Variants in SSPN observed in about 807,000 individuals in gnomAD.
The protein encoded by SSPN is sarcospan, also known as K-ras oncogene-associated protein.
A neutral mutation model predicts 19.1 loss-of-function variants in SSPN; 15 were observed. The observed-to-expected ratio is 0.78, with a 90% CI of 0.52 to 1.21. The LOEUF is 1.21. SSPN is among the 50% of genes most tolerant of loss of function. The pLI is 0.00. For synonymous variants in SSPN, 147 were observed against 140.3 expected (o/e 1.05, Z -0.34); for missense variants, 291 against 314.0 (o/e 0.93, Z 0.55).
chr12:26,131,376 T>C (rs915655074), intron 1 of SSPN, among the ~76,000 whole-genome samples: 3 of 152,236 alleles, frequency 2.0e-5, no homozygotes, highest in African/African-American at 7.2e-5. Context: ...GAAATGATTG[T>C]CTGTCTTTTT....
intron 1 of SSPN, among the ~76,000 whole-genome samples, chr12:26,157,108 G>A (rs1248895934): frequency 6.6e-6 from 1 of 152,142 alleles, no homozygotes; most frequent in South Asian, 2.1e-4. Context: ...AAACAACTCT[G>A]GTCTCCAGAT....
chr12:26,229,171 G>A (rs988585990), intron 2 of SSPN, among the ~76,000 whole-genome samples: 3 of 152,192 alleles, frequency 2.0e-5, no homozygotes, highest in African/African-American at 7.2e-5. Flanking sequence ...GAAAAAGAAT[G>A]TGTGTTTAAG....
intron 1 of SSPN, among the ~76,000 whole-genome samples, chr12:26,127,788 A>G (rs1348173269): frequency 6.6e-6 from 1 of 151,600 alleles, no homozygotes; most frequent in Non-Finnish European, 1.5e-5. Context: ...TTGGTTACCC[A>G]CTTCCCTTAA....
At chr12:26,224,254 A>G in intron 1 of SSPN, 39 bp from the exon 2 acceptor site, 1 of 1,443,944 alleles carries the variant, frequency 6.9e-7, no homozygotes, top group East Asian at 2.3e-5. Flanking sequence ...CGCACAACGT[A>G]CCCTGATAAC....
At chr12:26,202,754 G>A (rs1227130107) in intron 1 of SSPN, among the ~76,000 whole-genome samples, 3 of 152,142 alleles carry the variant, frequency 2.0e-5, no homozygotes, top group African/African-American at 7.2e-5. Flanking sequence ...GTTGTATTGT[G>A]GCCTGAAGGG....
intron 2 of SSPN, among the ~76,000 whole-genome samples, chr12:26,225,133 T>C (rs896179052): frequency 6.6e-6 from 1 of 152,112 alleles, no homozygotes; most frequent in African/African-American, 2.4e-5. Flanking sequence ...TTTTTTAATT[T>C]GGTCCACTAA....
upstream of SSPN, among the ~76,000 whole-genome samples, chr12:26,193,726 T>C (rs950891034): frequency 6.6e-6 from 1 of 152,196 alleles, no homozygotes; most frequent in Non-Finnish European, 1.5e-5. Flanking sequence ...CCACTCTGTT[T>C]TTCTGGTAAG....
At chr12:26,195,477 G>C, upstream of SSPN, 1 of 1,003,674 alleles carries the variant, frequency 1.0e-6, no homozygotes, top group Non-Finnish European at 1.3e-6. Flanking sequence ...GGCAGTTGGC[G>C]ACCCCCCTCG....
chr12:26,195,384 G>C, upstream of SSPN: 1 of 359,656 alleles, frequency 2.8e-6, no homozygotes, highest in Non-Finnish European at 4.8e-6. Context: ...AGAGGTTCAG[G>C]CGGCCAAGGG....
upstream of SSPN, among the ~76,000 whole-genome samples, chr12:26,192,075 G>A (rs184815236): frequency 3.3e-5 from 5 of 152,192 alleles, no homozygotes; most frequent in Admixed American, 6.5e-5. Context: ...CATCTTCCCC[G>A]TTCTGAACTT....
At chr12:26,132,111 C>A (rs533561845) in intron 1 of SSPN, among the ~76,000 whole-genome samples, 1 of 152,230 alleles carries the variant, frequency 6.6e-6, no homozygotes, top group African/African-American at 2.4e-5. Context: ...ATTCTTAACC[C>A]CATTCTAGCT....
chr12:26,152,085 A>G (rs1038995682), intron 1 of SSPN, among the ~76,000 whole-genome samples: 8 of 152,160 alleles, frequency 5.3e-5, no homozygotes, highest in African/African-American at 1.9e-4. Context: ...CATTATTGAC[A>G]TTTCCCTCAT....
rs2137419504 is a variant in SSPN at position 26,155,656 on chromosome 12, A to C, written c.-31+33504A>C. Among the ~76,000 whole-genome samples the C allele has an allele frequency of 3.3e-5, 5 of 152,350 alleles. No individual in the cohort carries two copies. In the South Asian group the frequency reaches 1.0e-3, roughly 32 times the overall value. On this transcript the variant is annotated intron_variant, in intron 1 of 2. Coordinates refer to the SSPN transcript ENST00000538142. ...AAAGAGGAAATTTGAAGTTAGAAGA[A>C]CATGAAGGCAAATCATTCATGATAA...
Position 26,195,718 on chromosome 12 carries a change from C to T in SSPN, c.46C>T (p.Pro16Ser). 8.5e-7 allele frequency: 1 copy of T among 1,172,954 alleles called. No individual in the cohort carries two copies. The highest frequency in any genetic ancestry group is 1.1e-6 in the Non-Finnish European group (1 of 942,028). 72.7% of individuals were successfully genotyped at this position (1,172,954 alleles called of 1,614,324 possible). The change falls in exon 1 of 3, where the codon CCG (proline) becomes TCG (serine). Residue 16 changes from proline (P) to serine (S), a missense_variant. By Grantham distance (74) the Pro-to-Ser change is moderately conservative. Around this residue, in one of 3 missense-constraint regions of SSPN, gnomAD observed 139 missense variants for 119.6 expected, o/e 1.16. Transcript: ENST00000242729. ...QPRGQQRQGG[P>S]PAADAAGPDD... ...ACGCGGCCAGCAGAGGCAGGGGGGC[C>T]CGCCGGCCGCGGACGCCGCTGGGCC...
chr12:26,133,632 C>T, intron 1 of SSPN, among the ~76,000 whole-genome samples: 1 of 152,110 alleles, frequency 6.6e-6, no homozygotes, highest in East Asian at 1.9e-4. Flanking sequence ...TTCAGGGAAA[C>T]CTGAATCCCA....
intron 1 of SSPN, among the ~76,000 whole-genome samples, chr12:26,185,724 C>A (rs1007575183): frequency 3.9e-5 from 6 of 152,170 alleles, no homozygotes; most frequent in African/African-American, 1.4e-4. Flanking sequence ...ACCTGCCGTG[C>A]CAAGTCTGTG....
chr12:26,123,053 G>T (rs1311584303), intron 1 of SSPN: 2 of 1,582,974 alleles, frequency 1.3e-6, no homozygotes, highest in East Asian at 4.6e-5. Flanking sequence ...GCGGCTCCCT[G>T]GGTGTCCAGC....
At position 26,155,672 on chromosome 12, in the gene SSPN, T is replaced by C. The variant is rs1031773951; in HGVS notation, c.-31+33520T>C. 2.0e-5 allele frequency among the ~76,000 whole-genome samples: 3 copies of C among 152,228 alleles called. No homozygotes were observed. In the South Asian group the frequency reaches 6.2e-4, roughly 32 times the overall value. Reference sequence around the variant, plus strand: ...GTTAGAAGAACATGAAGGCAAATCATTCATGATAAATGTGAAGGAAAGAGC... The same window carrying C: ...GTTAGAAGAACATGAAGGCAAATCACTCATGATAAATGTGAAGGAAAGAGC... On this transcript the variant is annotated intron_variant, in intron 1 of 2. Coordinates refer to the SSPN transcript ENST00000538142.
chr12:26,138,974 A>G (rs969295697), intron 1 of SSPN, among the ~76,000 whole-genome samples: 6 of 152,190 alleles, frequency 3.9e-5, no homozygotes, highest in Non-Finnish European at 8.8e-5. Flanking sequence ...AATTCTGCAT[A>G]TCATACCATA....
Sources: allele counts gnomAD v4.1 joint callset (sites outside exome capture counted in the v4.1 genomes callset), GRCh38; gene constraint gnomAD v4.1.1; regional missense constraint gnomAD v4.1.1; transcripts MANE v1.5; gene names NCBI Gene and HGNC (gene_info 2026-07-23, HGNC 2026-07-21).